Variants in CPA5 observed in about 807,000 individuals in gnomAD.
CPA5 encodes the protein testicular tissue protein Li 32.
Under a neutral mutation model 52.2 loss-of-function variants are expected in CPA5, and 38 were observed. The observed-to-expected ratio is 0.73, with a 90% confidence interval of 0.56 to 0.95. The LOEUF (loss-of-function observed/expected upper bound fraction) is 0.95. CPA5 is among the 40% of genes least tolerant of loss of function. CPA5 has a pLI of 0.00. For missense variants in CPA5, 519 were observed against 566.7 expected (o/e 0.92, Z 0.86); for synonymous variants, 198 against 213.7 (o/e 0.93, Z 0.64).
intron 5 of CPA5, among the ~76,000 whole-genome samples, chr7:130,356,317 C>G (rs1355605020): frequency 6.6e-6 from 1 of 152,212 alleles, no homozygotes; most frequent in African/African-American, 2.4e-5. Flanking sequence ...TTAATTCACA[C>G]TGAGGTATTA....
At chr7:130,358,698 C>T (rs1795627623) in intron 5 of CPA5, among the ~76,000 whole-genome samples, 1 of 152,140 alleles carries the variant, frequency 6.6e-6, no homozygotes, top group Non-Finnish European at 1.5e-5. Context: ...TCCTGGGGTG[C>T]CTTGGCTCCT....
intron 5 of CPA5, among the ~76,000 whole-genome samples, chr7:130,359,004 GCCATGC>G (rs1240601343): frequency 7.2e-5 from 11 of 152,186 alleles, no homozygotes; most frequent in African/African-American, 2.7e-4. Context: ...ACTGACTTTG[GCCATGC>G]CTGGCTTTCT....
At chr7:130,353,232 T>A (rs565541723) in intron 5 of CPA5, among the ~76,000 whole-genome samples, 522 of 40,688 alleles carry the variant, frequency 0.013, 4 homozygotes, top group African/African-American at 0.035. Context: ...GTCATCTCCA[T>A]CCCTGTCCGC....
intron 10 of CPA5, among the ~76,000 whole-genome samples, chr7:130,366,192 G>A (rs549618296): frequency 2.4e-4 from 37 of 152,310 alleles, no homozygotes; most frequent in African/African-American, 8.7e-4. Flanking sequence ...GGACCTGTGT[G>A]CTGCATTCCT....
At chr7:130,355,804 G>C (rs1795444722) in intron 5 of CPA5, among the ~76,000 whole-genome samples, 1 of 152,232 alleles carries the variant, frequency 6.6e-6, no homozygotes, top group Non-Finnish European at 1.5e-5. Flanking sequence ...TTAGTAATTT[G>C]ATGGAGTTGG....
downstream of CPA5, among the ~76,000 whole-genome samples, chr7:130,370,896 A>C (rs557838214): frequency 6.6e-6 from 1 of 152,336 alleles, no homozygotes; most frequent in Non-Finnish European, 1.5e-5. Flanking sequence ...CCCGGGAAGA[A>C]TATATTCCAG....
downstream of CPA5, among the ~76,000 whole-genome samples, chr7:130,372,223 C>T (rs1054467641): frequency 2.6e-5 from 4 of 152,236 alleles, no homozygotes; most frequent in South Asian, 4.1e-4. Flanking sequence ...CCATCATGTG[C>T]GAGCTACATG....
intron 7 of CPA5, 72 bp downstream of exon 7, chr7:130,361,316 G>C (rs1390017579): frequency 4.7e-6 from 5 of 1,068,354 alleles, no homozygotes; most frequent in Non-Finnish European, 5.8e-6. Context: ...CTCATATGGG[G>C]TAGTGGCTGG....
chr7:130,368,715 A>G lies in CPA5; in HGVS notation c.*118A>G, dbSNP rs1428369704. 12 of 1,049,328 alleles carry G rather than the reference A, an allele frequency of 1.1e-5. No homozygotes were observed. Among genetic ancestry groups the G allele is most frequent in the African/African-American group, 1.6e-5 (1 of 62,576 alleles). 65.0% of individuals were successfully genotyped at this position (1,049,328 alleles called of 1,614,324 possible). The stretch of plus-strand genomic sequence containing the variant: ...CATCCCGACCTCTTAGAAAATAAAT[A>G]CAAGTTTGAACAGGCTTCGCTGCCT... On this transcript the variant is annotated 3_prime_UTR_variant, in exon 13 of 13. Transcript: ENST00000474905.
chr7:130,365,548 G>A (rs1179069664), intron 10 of CPA5, among the ~76,000 whole-genome samples: 11 of 152,212 alleles, frequency 7.2e-5, no homozygotes, highest in African/African-American at 2.7e-4. Flanking sequence ...TACATTTTTA[G>A]AGAAGGAAAA....
At chr7:130,357,339 T>C (rs1554405451) in intron 5 of CPA5, among the ~76,000 whole-genome samples, 1 of 152,126 alleles carries the variant, frequency 6.6e-6, no homozygotes, top group African/African-American at 2.4e-5. Flanking sequence ...ACAGCAGCCA[T>C]TAGGGCTTTT....
Position 130,367,910 on chromosome 7 carries a change from A to T in CPA5, c.1043A>T (p.Asp348Val). Residue 348 changes from aspartate (D) to valine (V), a missense_variant, in exon 12 of 13, where the codon GAT (aspartate) becomes GTT (valine). Asp to Val is a radical substitution (Grantham distance 152, BLOSUM62 -3). Transcript: ENST00000474905. Reference sequence around the variant, plus strand: ...CCCGCCAATGTCATCTTGCAGTACGATCTTGCCAAGGATGCGGTGGAGGCC... The same window carrying T: ...CCCGCCAATGTCATCTTGCAGTACGTTCTTGCCAAGGATGCGGTGGAGGCC... ...EPVSNQRELYDLAKDAVEALY... is the reference protein window; with the variant it reads ...EPVSNQRELYVLAKDAVEALY... 6.2e-7 allele frequency: 1 copy of T among 1,614,160 alleles called. No homozygotes were observed. Among genetic ancestry groups the T allele is most frequent in the South Asian group, 1.1e-5 (1 of 91,086 alleles).
intron 7 of CPA5, 28 bp downstream of exon 7, chr7:130,361,272 A>C: frequency 1.3e-6 from 2 of 1,492,098 alleles, no homozygotes; most frequent in Non-Finnish European, 1.9e-6. Flanking sequence ...CAACCTGTAG[A>C]CTCTACCTTG....
At position 130,368,612 on chromosome 7, in the gene CPA5, G is replaced by A; in HGVS notation, c.*15G>A. The stretch of plus-strand genomic sequence containing the variant: ...ACCCCTACTAGCAGCACGACTGAGG[G>A]CAGGAGGCTCCATCCTTCTCCCCAA... On this transcript the variant is annotated 3_prime_UTR_variant, in exon 13 of 13. Transcript: ENST00000474905. 1 of 1,613,210 alleles carries A rather than the reference G, an allele frequency of 6.2e-7. No individual in the cohort carries two copies. Among genetic ancestry groups the A allele is most frequent in the African/African-American group, 1.3e-5 (1 of 75,014 alleles).
At chr7:130,371,274 TCG>T (rs2117485168), downstream of CPA5, among the ~76,000 whole-genome samples, 1 of 152,368 alleles carries the variant, frequency 6.6e-6, no homozygotes, top group Non-Finnish European at 1.5e-5. Context: ...TTTCAACATG[TCG>T]CCTCCTCACA....
rs1554409412 is a variant in CPA5, at chr7:130,368,633, C to T, written c.*36C>T. ...GAGGGCAGGAGGCTCCATCCTTCTC[C>T]CCAAGGTCTGTGGCTCCTCCCGAAA... On this transcript the variant is annotated 3_prime_UTR_variant, in exon 13 of 13. Coordinates refer to ENST00000474905, the MANE Select transcript of CPA5 (RefSeq NM_080385.5). 2 of 1,609,922 alleles carry T rather than the reference C, an allele frequency of 1.2e-6. No individual in the cohort carries two copies. Among genetic ancestry groups the T allele is most frequent in the Non-Finnish European group, 1.7e-6 (2 of 1,177,624 alleles).
rs368857724 is a variant in CPA5 at position 130,367,383 on chromosome 7, A to G, written c.850A>G (p.Asn284Asp). 5 of 1,613,928 alleles carry G rather than the reference A, an allele frequency of 3.1e-6. No individual in the cohort carries two copies. The African/African-American group carries it at 5.3e-5, about 17-fold the overall frequency. The change falls in exon 11 of 13, where the codon AAC becomes GAC. Residue 284 changes from asparagine (N) to aspartate (D), a missense_variant. Physicochemically the swap from Asn to Asp is conservative, Grantham distance 23 (BLOSUM62 1). Coordinates refer to ENST00000474905, the MANE Select transcript of CPA5 (RefSeq NM_080385.5). ...TATTTTACTTCCAGGAAATGGTTCT[A>G]ACAGCAACCCCTGCTCAGAAACTTA... Reference protein sequence around the residue: ...WKSGFGGNGSNSNPCSETYHG... With the variant: ...WKSGFGGNGSDSNPCSETYHG...
rs183562728 is a variant in CPA5, at chr7:130,361,276, T to A, written c.534+32T>A. On this transcript the variant is annotated intron_variant, in intron 7 of 12. Transcript: ENST00000474905. ...GCCCACAATGTCAACCTGTAGACTCTACCTTGAGGGCCTCTGGCATAAGAT... is the reference window on the plus strand; with the variant it reads ...GCCCACAATGTCAACCTGTAGACTCAACCTTGAGGGCCTCTGGCATAAGAT... 139 of 1,428,268 alleles carry A rather than the reference T, an allele frequency of 9.7e-5. 2 individuals carry two copies. In the Middle Eastern group the frequency reaches 1.6e-3, roughly 16 times the overall value. The allele number at this position is 1,428,268 out of a possible 1,614,324, so 88.5% of individuals were successfully genotyped here.
chr7:130,351,867 G>T (rs904593988), intron 5 of CPA5, among the ~76,000 whole-genome samples: 3 of 152,070 alleles, frequency 2.0e-5, no homozygotes, highest in Admixed American at 6.6e-5. Context: ...GGCCCTCTGC[G>T]GTTGTCTGCT....
Sources: allele counts gnomAD v4.1 joint callset (sites outside exome capture counted in the v4.1 genomes callset), GRCh38; gene constraint gnomAD v4.1.1; transcripts MANE v1.5; gene names NCBI Gene and HGNC (gene_info 2026-07-23, HGNC 2026-07-21).